Variants in RABGAP1L observed in about 807,000 individuals in gnomAD.
RABGAP1L encodes RAB GTPase activating protein 1 like, also known as rab GTPase-activating protein 1-like.
In RABGAP1L, 63 loss-of-function variants were observed where a neutral mutation model predicts 137.7. That is an observed-to-expected ratio of 0.46 (90% CI 0.37 to 0.56). The LOEUF (loss-of-function observed/expected upper bound fraction) is 0.56. RABGAP1L is among the 20% of genes least tolerant of loss of function. RABGAP1L has a pLI of 0.00. For synonymous variants in RABGAP1L, 431 were observed against 433.7 expected, an observed-to-expected ratio of 0.99 and a Z score of 0.08; for missense variants, 1,095 against 1,244.0, an observed-to-expected ratio of 0.88 and a Z score of 1.80.
intron 5 of RABGAP1L, among the ~76,000 whole-genome samples, chr1:174,242,042 GTTGCATA>G (rs1398566207): frequency 2.6e-5 from 4 of 152,156 alleles, no homozygotes; most frequent in South Asian, 2.1e-4. Context: ...GGGCTTGATA[GTTGCATA>G]TTGCTTTCAT....
intron 10 of RABGAP1L, among the ~76,000 whole-genome samples, chr1:174,297,932 A>C (rs1487975094): frequency 6.6e-6 from 1 of 152,192 alleles, no homozygotes; most frequent in African/African-American, 2.4e-5. Flanking sequence ...ATCCTAAGCC[A>C]ACCAGTGTAA....
chr1:174,268,714 G>A (rs1161453711), intron 7 of RABGAP1L, among the ~76,000 whole-genome samples: 4 of 152,036 alleles, frequency 2.6e-5, no homozygotes, highest in African/African-American at 7.3e-5. Flanking sequence ...CTGCAGTTAA[G>A]TCTAAAGCCG....
At chr1:174,632,912 C>A in intron 13 of RABGAP1L, among the ~76,000 whole-genome samples, 1 of 151,996 alleles carries the variant, frequency 6.6e-6, no homozygotes. Flanking sequence ...CATTCTCCAT[C>A]CGGCTTTGTT....
At chr1:174,939,533 G>A (rs1165689709) in intron 19 of RABGAP1L, among the ~76,000 whole-genome samples, 2 of 146,918 alleles carry the variant, frequency 1.4e-5, no homozygotes, top group African/African-American at 5.1e-5. Flanking sequence ...GTGATACAGC[G>A]AGACTCTGTC....
intron 1 of RABGAP1L, among the ~76,000 whole-genome samples, chr1:174,176,713 G>GACA (rs1665886092): frequency 9.3e-5 from 2 of 21,550 alleles, no homozygotes; most frequent in South Asian, 6.9e-3. Flanking sequence ...CCCTTTTTCA[G>GACA]AAAAAAAAAA....
intron 1 of RABGAP1L, among the ~76,000 whole-genome samples, chr1:174,184,268 G>C (rs1051299864): frequency 6.6e-5 from 10 of 152,136 alleles, no homozygotes; most frequent in Non-Finnish European, 1.3e-4. Context: ...ATTTTGTCTG[G>C]ATGTACCACA....
intron 18 of RABGAP1L, among the ~76,000 whole-genome samples, chr1:174,777,814 A>G (rs1367109760): frequency 6.6e-6 from 1 of 152,212 alleles, no homozygotes; most frequent in Admixed American, 6.5e-5. Context: ...AGTGAACTTG[A>G]AAACATAGCA....
chr1:174,622,922 T>C (rs942198716), intron 13 of RABGAP1L, among the ~76,000 whole-genome samples: 2 of 152,234 alleles, frequency 1.3e-5, no homozygotes, highest in Non-Finnish European at 2.9e-5. Context: ...AATTAGCGAC[T>C]GGAATGCATT....
intron 17 of RABGAP1L, among the ~76,000 whole-genome samples, chr1:174,728,594 C>CTTTT (rs1294397296): frequency 6.8e-4 from 78 of 114,634 alleles, no homozygotes; most frequent in African/African-American, 2.0e-3. Flanking sequence ...CTACCAGTGT[C>CTTTT]TTTTTTTTTT....
At chr1:174,327,984 CACAT>C (rs1421199032) in intron 11 of RABGAP1L, among the ~76,000 whole-genome samples, 1,758 of 37,702 alleles carry the variant, frequency 0.047, 53 homozygotes, top group Middle Eastern at 0.2. Flanking sequence ...TATATACACA[CACAT>C]ATATATATAT....
intron 17 of RABGAP1L, among the ~76,000 whole-genome samples, chr1:174,726,347 T>G (rs1361654773): frequency 6.6e-6 from 1 of 152,110 alleles, no homozygotes; most frequent in African/African-American, 2.4e-5. Flanking sequence ...GTTTATGCAA[T>G]CCTCTCTCCA....
At chr1:174,332,600 T>C (rs573670977) in intron 11 of RABGAP1L, among the ~76,000 whole-genome samples, 1 of 152,228 alleles carries the variant, frequency 6.6e-6, no homozygotes, top group Non-Finnish European at 1.5e-5. Flanking sequence ...TTTCCCATTT[T>C]GGCCAGGCTG....
chr1:174,568,627 A>AG (rs1252308610), intron 13 of RABGAP1L, among the ~76,000 whole-genome samples: 3 of 152,212 alleles, frequency 2.0e-5, no homozygotes, highest in Non-Finnish European at 4.4e-5. Flanking sequence ...CCTTTAAAAT[A>AG]GGAGTGTGCA....
intron 3 of RABGAP1L, among the ~76,000 whole-genome samples, chr1:174,226,783 A>T (rs550258816): frequency 6.1e-4 from 93 of 151,508 alleles, no homozygotes; most frequent in Middle Eastern, 3.4e-3. Context: ...TTTTTTTTTA[A>T]AAAAAATTTT....
At chr1:174,633,675 C>G (rs1336021338) in intron 13 of RABGAP1L, among the ~76,000 whole-genome samples, 1 of 120,850 alleles carries the variant, frequency 8.3e-6, no homozygotes, top group African/African-American at 4.2e-5. Flanking sequence ...GGTAGTGGTA[C>G]CAAAACAGAG....
intron 1 of RABGAP1L, among the ~76,000 whole-genome samples, chr1:174,168,595 A>G (rs1033770065): frequency 6.6e-6 from 1 of 152,182 alleles, no homozygotes; most frequent in African/African-American, 2.4e-5. Context: ...ACCAAGTTGC[A>G]TGATCAAGTT....
chr1:174,906,505 A>G (rs971739052), intron 19 of RABGAP1L, among the ~76,000 whole-genome samples: 1 of 152,034 alleles, frequency 6.6e-6, no homozygotes, highest in African/African-American at 2.4e-5. Context: ...GCAGATGCCT[A>G]TAATCCCAGC....
intron 19 of RABGAP1L, among the ~76,000 whole-genome samples, chr1:174,889,964 T>C (rs367679120): frequency 5.9e-5 from 9 of 152,172 alleles, no homozygotes; most frequent in African/African-American, 2.2e-4. Flanking sequence ...GGTTTTGAAC[T>C]GCTGGGCTCA....
intron 15 of RABGAP1L, among the ~76,000 whole-genome samples, chr1:174,696,153 T>C (rs1055691551): frequency 2.0e-5 from 3 of 152,056 alleles, no homozygotes; most frequent in African/African-American, 7.2e-5. Context: ...GGGTAGCAGG[T>C]TTCCTTCTGG....
Sources: allele counts gnomAD v4.1 joint callset (sites outside exome capture counted in the v4.1 genomes callset), GRCh38; gene constraint gnomAD v4.1.1; transcripts MANE v1.5; gene names NCBI Gene and HGNC (gene_info 2026-07-23, HGNC 2026-07-21).